Variants in SREK1 observed in about 807,000 individuals in gnomAD.
SREK1 encodes splicing regulatory glutamic acid and lysine rich protein 1, also known as splicing regulatory glutamine/lysine-rich protein 1.
SREK1 carries 13 observed loss-of-function variants against 66.5 expected under a neutral mutation model. The observed-to-expected ratio is 0.20, with a 90% CI of 0.13 to 0.31. The LOEUF (loss-of-function observed/expected upper bound fraction) is 0.31, where lower values mean the gene tolerates loss of function less well. Among genes scored for constraint, SREK1 ranks in the 10% least tolerant of loss-of-function variants. SREK1 has a pLI of 1.00. For missense variants in SREK1, 607 were observed against 769.6 expected (o/e 0.79, Z 2.50); for synonymous variants, 265 against 263.5 (o/e 1.01, Z -0.05).
intron 10 of SREK1, 138 bp downstream of exon 10, chr5:66,175,179 AAAGTT>A: frequency 1.4e-6 from 1 of 714,770 alleles, no homozygotes; most frequent in Non-Finnish European, 2.2e-6. Flanking sequence ...ATTAAAGATA[AAAGTT>A]ATGTATCAGG....
chr5:66,176,903 C>A (rs1255979463), intron 10 of SREK1, among the ~76,000 whole-genome samples: 1 of 151,846 alleles, frequency 6.6e-6, no homozygotes, highest in Admixed American at 6.6e-5. Context: ...GCAGAGGGGT[C>A]TTTTGTTTAT....
Position 66,183,215 on chromosome 5 carries a change from G to A in SREK1, c.*4347G>A, listed in dbSNP as rs1053448430. ...ATTCTTGGTTTATTTTTATTTGCTA[G>A]ACATAATTTCTTAACTACATATGTA... On this transcript the variant is annotated 3_prime_UTR_variant, in exon 12 of 12. Coordinates refer to ENST00000334121, the MANE Select transcript of SREK1 (RefSeq NM_001077199.3). 6 of 152,140 alleles carry A rather than the reference G, an allele frequency of 3.9e-5. No individual in the cohort carries two copies. Among genetic ancestry groups the A allele is most frequent in the Admixed American group, 3.9e-4 (6 of 15,280 alleles). 9.4% of individuals were successfully genotyped at this position (152,140 alleles called of 1,614,324 possible).
chr5:66,159,429 T>TA, intron 3 of SREK1, 95 bp downstream of exon 3: 9 of 886,134 alleles, frequency 1.0e-5, no homozygotes, highest in East Asian at 4.0e-5. Flanking sequence ...TGGATCTTCT[T>TA]CTTTTTTTTT....
chr5:66,163,568 A>G (rs765509219), intron 5 of SREK1: 10 of 361,766 alleles, frequency 2.8e-5, no homozygotes, highest in East Asian at 1.8e-4. Flanking sequence ...CTAGGGTTCA[A>G]TTTTTCTTTT....
At chr5:66,144,679 A>C in intron 1 of SREK1, 142 bp downstream of exon 1, 1 of 1,366,386 alleles carries the variant, frequency 7.3e-7, no homozygotes, top group Non-Finnish European at 9.6e-7. Flanking sequence ...ATATTTGATT[A>C]GGGCACCCGG....
intron 2 of SREK1, among the ~76,000 whole-genome samples, chr5:66,155,513 T>G (rs1377699772): frequency 6.6e-6 from 1 of 151,744 alleles, no homozygotes; most frequent in Non-Finnish European, 1.5e-5. Context: ...GATAGCAGAG[T>G]GAGTGTGAAA....
At chr5:66,159,432 T>A in intron 3 of SREK1, 98 bp downstream of exon 3, 1 of 662,354 alleles carries the variant, frequency 1.5e-6, no homozygotes, top group Non-Finnish European at 2.1e-6. Flanking sequence ...ATCTTCTTCT[T>A]TTTTTTTTTT....
At chr5:66,169,304 T>G (rs190043509) in intron 7 of SREK1, 1 of 152,334 alleles carries the variant, frequency 6.6e-6, no homozygotes, top group African/African-American at 2.4e-5. Context: ...TTTGAAAATC[T>G]GAAATTCAAA....
At chr5:66,150,455 C>T (rs1345578551) in intron 1 of SREK1, among the ~76,000 whole-genome samples, 1 of 152,174 alleles carries the variant, frequency 6.6e-6, no homozygotes, top group Non-Finnish European at 1.5e-5. Context: ...GCTGGAACCA[C>T]AGGTATCATT....
At chr5:66,149,370 A>C (rs1342469284) in intron 1 of SREK1, among the ~76,000 whole-genome samples, 8 of 152,072 alleles carry the variant, frequency 5.3e-5, no homozygotes, top group Non-Finnish European at 8.8e-5. Flanking sequence ...GGAAAAGAAA[A>C]GAAAAGAAAA....
chr5:66,178,865 A>G lies in SREK1; in HGVS notation c.1872A>G (p.Val624=), dbSNP rs773917898. 1.9e-6 allele frequency: 3 copies of G among 1,610,266 alleles called. No individual in the cohort carries two copies. The highest frequency in any genetic ancestry group is 2.2e-5 in the East Asian group (1 of 44,800). ...EENLSTKTEA[V] is the part of the protein sequence containing the mutation. ...ACCTCTCTACCAAAACAGAAGCAGTATAGGACCGACAAGTGTACCTCTGCA... is the reference window on the plus strand; with the variant it reads ...ACCTCTCTACCAAAACAGAAGCAGTGTAGGACCGACAAGTGTACCTCTGCA... Residue 624 remains valine, a synonymous_variant, in exon 12 of 12, where the codon GTA becomes GTG. Transcript: ENST00000334121.
chr5:66,156,298 C>T (rs1227730961), intron 2 of SREK1: 2 of 1,308,240 alleles, frequency 1.5e-6, no homozygotes, highest in African/African-American at 3.1e-5. Context: ...TGTTAAATCT[C>T]TTTCACTTTA....
chr5:66,164,480 A>G (rs894584595), intron 6 of SREK1: 13 of 928,428 alleles, frequency 1.4e-5, no homozygotes, highest in Non-Finnish European at 2.0e-5. Context: ...TTCTAGCAGA[A>G]TAAGTGGAGA....
At chr5:66,175,415 G>C (rs1389577834) in intron 10 of SREK1, among the ~76,000 whole-genome samples, 1 of 152,156 alleles carries the variant, frequency 6.6e-6, no homozygotes, top group Non-Finnish European at 1.5e-5. Context: ...CCAGGTCAGA[G>C]AGAGCTTCTT....
chr5:66,149,581 C>G (rs900468866), intron 1 of SREK1, among the ~76,000 whole-genome samples: 76 of 152,224 alleles, frequency 5.0e-4, no homozygotes, highest in African/African-American at 1.6e-3. Context: ...TAGATTTCAA[C>G]TAGGGGTATT....
chr5:66,157,852 T>A (rs1744420929), intron 2 of SREK1: 1 of 322,146 alleles, frequency 3.1e-6, no homozygotes, highest in African/African-American at 2.2e-5. Context: ...CCAACTTGAG[T>A]TCCATCCATG....
At chr5:66,157,151 G>C (rs1744355371) in intron 2 of SREK1, 2 of 943,110 alleles carry the variant, frequency 2.1e-6, no homozygotes, top group Non-Finnish European at 2.5e-6. Flanking sequence ...TAAAAAATGT[G>C]CTTATAGTGG....
intron 10 of SREK1, among the ~76,000 whole-genome samples, chr5:66,175,876 C>T (rs761930010): frequency 6.6e-6 from 1 of 152,082 alleles, no homozygotes; most frequent in Non-Finnish European, 1.5e-5. Flanking sequence ...AAATAACATT[C>T]TCAGTTTGCT....
Position 66,170,916 on chromosome 5 carries a change from A to G in SREK1, c.1453A>G (p.Asn485Asp). The G allele has an allele frequency of 6.2e-7, 1 of 1,610,206 alleles. No homozygotes were observed. The highest frequency in any genetic ancestry group is 8.5e-7 in the Non-Finnish European group (1 of 1,179,052). The change falls in exon 9 of 12, where the codon AAT becomes GAT. Residue 485 changes from asparagine (N) to aspartate (D), a missense_variant. Asn to Asp is a conservative substitution (Grantham distance 23). Transcript: ENST00000334121. The part of the protein sequence containing the change: ...KKSRTPPRSY[N>D]ASRRSRSSSR... ...ATCCAGAACACCACCCAGGAGTTAC[A>G]ATGCATCGCGAAGATCTCGTAGTTC...
Sources: gnomAD v4.1 joint callset for allele counts (sites outside exome capture counted in the v4.1 genomes callset) on GRCh38, gnomAD v4.1.1 for gene constraint, MANE v1.5 for transcripts, NCBI Gene and HGNC (gene_info 2026-07-23, HGNC 2026-07-21) for gene names.